Variants in PPP2R5E observed in about 807,000 individuals in gnomAD.
PPP2R5E encodes serine/threonine-protein phosphatase 2A 56 kDa regulatory subunit epsilon isoform.
In PPP2R5E, 4 loss-of-function variants were observed where a neutral mutation model predicts 65.3. The ratio of observed to expected loss-of-function variants is 0.06; its 90% CI spans 0.03 to 0.14. The LOEUF is 0.14. Ranked by LOEUF, PPP2R5E falls within the 10% of genes least tolerant of loss-of-function variation. PPP2R5E has a pLI of 1.00. For synonymous variants in PPP2R5E, 183 were observed against 187.4 expected (o/e 0.98, Z 0.19); for missense variants, 274 against 556.1 (o/e 0.49, Z 5.10).
chr14:63,436,447 T>G (rs892024973), intron 3 of PPP2R5E, among the ~76,000 whole-genome samples: 1 of 152,230 alleles, frequency 6.6e-6, no homozygotes. Context: ...TCTTATACTC[T>G]GTGTCTATGT....
chr14:63,454,301 T>C (rs1168844333), intron 2 of PPP2R5E, among the ~76,000 whole-genome samples: 1 of 152,224 alleles, frequency 6.6e-6, no homozygotes, highest in East Asian at 1.9e-4. Context: ...GAAATGTCAG[T>C]TGATTTATTT....
intron 5 of PPP2R5E, among the ~76,000 whole-genome samples, chr14:63,404,333 G>A (rs1432615455): frequency 6.6e-6 from 1 of 152,134 alleles, no homozygotes; most frequent in Admixed American, 6.5e-5. Flanking sequence ...GATAAAATTG[G>A]TATTCTAAAT....
chr14:63,381,422 C>G (rs1189431609), intron 13 of PPP2R5E, among the ~76,000 whole-genome samples: 1 of 152,144 alleles, frequency 6.6e-6, no homozygotes, highest in African/African-American at 2.4e-5. Flanking sequence ...GAGTGAATCC[C>G]AGAGAGCAAA....
chr14:63,427,952 A>T (rs999746877), intron 3 of PPP2R5E, among the ~76,000 whole-genome samples: 2 of 151,992 alleles, frequency 1.3e-5, no homozygotes, highest in African/African-American at 4.8e-5. Context: ...CCGTGGATGG[A>T]CCTGACTTCT....
chr14:63,510,237 C>T (rs1892395537), intron 2 of PPP2R5E, among the ~76,000 whole-genome samples: 1 of 152,168 alleles, frequency 6.6e-6, no homozygotes, highest in African/African-American at 2.4e-5. Flanking sequence ...AACAATGGGA[C>T]ACAGACCTCA....
intron 5 of PPP2R5E, among the ~76,000 whole-genome samples, chr14:63,400,924 T>C (rs1885717479): frequency 6.6e-6 from 1 of 152,140 alleles, no homozygotes; most frequent in Non-Finnish European, 1.5e-5. Context: ...AAGAGAAGGT[T>C]TGAGGGTGTG....
intron 3 of PPP2R5E, among the ~76,000 whole-genome samples, chr14:63,448,499 C>A (rs1444186182): frequency 6.6e-6 from 1 of 151,112 alleles, no homozygotes; most frequent in Non-Finnish European, 1.5e-5. Context: ...TTGCCACAAA[C>A]CTTCAATTTG....
intron 11 of PPP2R5E, among the ~76,000 whole-genome samples, chr14:63,387,450 G>A (rs539055690): frequency 6.6e-6 from 1 of 152,298 alleles, no homozygotes; most frequent in South Asian, 2.1e-4. Context: ...CAGAGGCAGT[G>A]TCACCAGCGT....
At chr14:63,379,561 T>G (rs1884192998) in intron 13 of PPP2R5E, among the ~76,000 whole-genome samples, 2 of 151,944 alleles carry the variant, frequency 1.3e-5, no homozygotes, top group Admixed American at 6.6e-5. Context: ...CGTGAGCCAC[T>G]ACGCCTGGCC....
chr14:63,405,024 G>C (rs1208329443), intron 5 of PPP2R5E, among the ~76,000 whole-genome samples: 1 of 152,130 alleles, frequency 6.6e-6, no homozygotes, highest in Non-Finnish European at 1.5e-5. Context: ...ACCAAGCACA[G>C]GGCCCTTCTA....
intron 2 of PPP2R5E, among the ~76,000 whole-genome samples, chr14:63,470,190 G>A (rs1467621558): frequency 6.6e-6 from 1 of 151,960 alleles, no homozygotes; most frequent in African/African-American, 2.4e-5. Flanking sequence ...TCCCATTTCA[G>A]CCTCCCAAGT....
At chr14:63,477,263 A>G (rs1178458281) in intron 2 of PPP2R5E, among the ~76,000 whole-genome samples, 1 of 152,188 alleles carries the variant, frequency 6.6e-6, no homozygotes, top group Non-Finnish European at 1.5e-5. Flanking sequence ...TGTGCAATGT[A>G]GTAATATTAA....
At chr14:63,452,124 A>C (rs1888871768) in intron 3 of PPP2R5E, 1 of 152,204 alleles carries the variant, frequency 6.6e-6, no homozygotes, top group South Asian at 2.1e-4. Context: ...GCTTACAAAA[A>C]AAAATATTTA....
Position 63,449,218 on chromosome 14 carries a change from A to G in PPP2R5E, c.354+4471T>C, listed in dbSNP as rs529789960. Among the ~76,000 whole-genome samples, 7 of 152,356 alleles carry G rather than the reference A, an allele frequency of 4.6e-5. 1 individual carries two copies. Among genetic ancestry groups the G allele is most frequent in the Middle Eastern group, 3.4e-3 (1 of 294 alleles). On this transcript the variant is annotated intron_variant, in intron 3 of 13. Transcript: ENST00000337537. Reference sequence around the variant, plus strand: ...ACACGAAAGAGAAATCAGCGGGGACAGTGATTACCCAACAGGCAGGATCAT... The same window carrying G: ...ACACGAAAGAGAAATCAGCGGGGACGGTGATTACCCAACAGGCAGGATCAT...
At chr14:63,392,382 T>A (rs1427402989) in intron 8 of PPP2R5E, among the ~76,000 whole-genome samples, 1 of 152,198 alleles carries the variant, frequency 6.6e-6, no homozygotes, top group Non-Finnish European at 1.5e-5. Flanking sequence ...TTTGCTAATA[T>A]CAACAGTACT....
chr14:63,391,696 T>A, intron 10 of PPP2R5E, 121 bp downstream of exon 10: 1 of 1,077,872 alleles, frequency 9.3e-7, no homozygotes, highest in Non-Finnish European at 1.4e-6. Context: ...GTGCTGGGAT[T>A]ACAGGCATGA....
chr14:63,457,262 A>G (rs1386856815), intron 2 of PPP2R5E, among the ~76,000 whole-genome samples: 1 of 152,226 alleles, frequency 6.6e-6, no homozygotes, highest in African/African-American at 2.4e-5. Context: ...GGTTTCCACT[A>G]TATAAGAAAA....
Position 63,453,735 on chromosome 14 carries a change from C to T in PPP2R5E, c.308G>A (p.Ser103Asn), listed in dbSNP as rs1888978534. The T allele has an allele frequency of 1.2e-6, 2 of 1,613,766 alleles. No homozygotes were observed. Among genetic ancestry groups the T allele is most frequent in the Middle Eastern group, 1.6e-4 (1 of 6,082 alleles). Residue 103 changes from serine (S) to asparagine (N), a missense_variant, in exon 3 of 14, where the codon AGC (serine) becomes AAC (asparagine). This residue lies in a region of PPP2R5E where 51 missense variants were observed against 101.1 expected (regional missense o/e 0.50). Transcript: ENST00000337537. The stretch of plus-strand genomic sequence containing the variant: ...AGTCTGCTCTGTCAAACAGCCTCTG[C>T]TTATTGTAATGTAGTCCACCAGTTC... ...LNELVDYITISRGCLTEQTYP... is the reference protein window; with the variant it reads ...LNELVDYITINRGCLTEQTYP...
chr14:63,376,484 C>T (rs1313885614), intron 13 of PPP2R5E, among the ~76,000 whole-genome samples: 2 of 152,126 alleles, frequency 1.3e-5, no homozygotes, highest in African/African-American at 4.8e-5. Flanking sequence ...TTAGAAGAAA[C>T]TGAAAACTTG....
Sources: allele counts gnomAD v4.1 joint callset (sites outside exome capture counted in the v4.1 genomes callset), GRCh38; gene constraint gnomAD v4.1.1; regional missense constraint gnomAD v4.1.1; transcripts MANE v1.5; gene names NCBI Gene and HGNC (gene_info 2026-07-23, HGNC 2026-07-21).